Variants in GPR149 observed in about 807,000 individuals in gnomAD.
GPR149 encodes the protein probable G protein-coupled receptor 149.
A neutral mutation model predicts 50.2 loss-of-function variants in GPR149; 50 were observed. The ratio of observed to expected loss-of-function variants is 1.00; its 90% CI spans 0.79 to 1.26. The LOEUF (loss-of-function observed/expected upper bound fraction) is 1.26. GPR149 is among the 50% of genes most tolerant of loss of function. The pLI is 0.00. For missense variants in GPR149, 983 were observed against 895.4 expected (o/e 1.10, Z -1.25); for synonymous variants, 405 against 358.2 (o/e 1.13, Z -1.48).
chr3:154,358,961 C>T (rs1001111794), intron 3 of GPR149, among the ~76,000 whole-genome samples: 1 of 152,112 alleles, frequency 6.6e-6, no homozygotes, highest in Non-Finnish European at 1.5e-5. Context: ...ATCTAAAGAA[C>T]ATGCACCAAG....
intron 3 of GPR149, among the ~76,000 whole-genome samples, chr3:154,366,292 TATC>T (rs1714529978): frequency 6.6e-6 from 1 of 152,178 alleles, no homozygotes; most frequent in South Asian, 2.1e-4. Flanking sequence ...GGCAATAAGA[TATC>T]ATATTAGAAC....
chr3:154,421,312 A>G lies in GPR149; in HGVS notation c.1350T>C (p.Asn450=). 1 of 1,613,394 alleles carries G rather than the reference A, an allele frequency of 6.2e-7. No individual in the cohort carries two copies. Among genetic ancestry groups the G allele is most frequent in the Non-Finnish European group, 8.5e-7 (1 of 1,179,546 alleles). The change falls in exon 3 of 4, where the codon AAT becomes AAC. Residue 450 remains asparagine, a synonymous_variant. Coordinates refer to ENST00000389740, the MANE Select transcript of GPR149 (RefSeq NM_001038705.3). ...TGGTGCTGATTTCTACTTTTATAGC[A>G]TTGAAGATGTTACGGTTGTCTCTCT... The part of the protein sequence containing the change: ...DPQRDNRNIF[N]AIKVEISTTP...
At chr3:154,386,813 T>C (rs1339111362) in intron 3 of GPR149, among the ~76,000 whole-genome samples, 1 of 152,216 alleles carries the variant, frequency 6.6e-6, no homozygotes, top group African/African-American at 2.4e-5. Flanking sequence ...TGTTATAATT[T>C]TTTCTTATAA....
At chr3:154,414,002 C>G (rs111639716) in intron 3 of GPR149, among the ~76,000 whole-genome samples, 2,806 of 151,596 alleles carry the variant, frequency 0.019, 74 homozygotes, top group African/African-American at 0.065. Flanking sequence ...AAAATAATGG[C>G]ATTCACAGCA....
rs150186959 is a variant in GPR149, at chr3:154,339,677, C to G, written c.1624-1406G>C. On this transcript the variant is annotated intron_variant, in intron 3 of 3. Coordinates refer to ENST00000389740, the MANE Select transcript of GPR149 (RefSeq NM_001038705.3). ...CAATCTGGACCCAACAGTGGCTAGA[C>G]GAAGACAGGTTCTCACTATTGGAGA... Among the ~76,000 whole-genome samples, 1,073 of 150,926 alleles carry G rather than the reference C, an allele frequency of 7.1e-3. 11 individuals are homozygous for G. The highest frequency in any genetic ancestry group is 0.025 in the African/African-American group (1,036 of 41,084).
chr3:154,417,123 A>T (rs1054713431), intron 3 of GPR149, among the ~76,000 whole-genome samples: 10 of 151,972 alleles, frequency 6.6e-5, no homozygotes, highest in African/African-American at 2.4e-4. Flanking sequence ...GAAAATTATC[A>T]TTTCATTTCA....
At chr3:154,378,078 T>TCC (rs34317201) in intron 3 of GPR149, among the ~76,000 whole-genome samples, 2 of 72,870 alleles carry the variant, frequency 2.7e-5, no homozygotes, top group African/African-American at 6.3e-5. Context: ...TATTGATATA[T>TCC]CCCCCCCCCC....
At chr3:154,358,735 C>T (rs1397695908) in intron 3 of GPR149, among the ~76,000 whole-genome samples, 1 of 152,070 alleles carries the variant, frequency 6.6e-6, no homozygotes. Flanking sequence ...TTTAATGATG[C>T]TTATACACTT....
At chr3:154,384,165 T>C (rs1356608969) in intron 3 of GPR149, among the ~76,000 whole-genome samples, 1 of 152,126 alleles carries the variant, frequency 6.6e-6, no homozygotes, top group East Asian at 1.9e-4. Flanking sequence ...TTAAAGGACA[T>C]TTAGAAAACT....
chr3:154,408,897 C>T, intron 3 of GPR149, among the ~76,000 whole-genome samples: 1 of 152,258 alleles, frequency 6.6e-6, no homozygotes, highest in East Asian at 1.9e-4. Flanking sequence ...TTGAAAGTGT[C>T]ACTTCCTGGC....
At chr3:154,425,821 T>G (rs779077348) in intron 2 of GPR149, among the ~76,000 whole-genome samples, 2 of 152,194 alleles carry the variant, frequency 1.3e-5, no homozygotes, top group Non-Finnish European at 2.9e-5. Flanking sequence ...CTTCTGTCTG[T>G]GCAGTACAGA....
At position 154,421,283 on chromosome 3, in the gene GPR149, G is replaced by C. The variant is rs371994869; in HGVS notation, c.1379C>G (p.Pro460Arg). The C allele has an allele frequency of 1.2e-5, 20 of 1,613,270 alleles. No homozygotes were observed. In the Admixed American group the frequency reaches 1.7e-4, roughly 13 times the overall value. Residue 460 changes from proline to arginine, a missense_variant, in exon 3 of 4, where the codon CCC (proline) becomes CGC (arginine). Pro to Arg is a moderately radical substitution (Grantham distance 103). Coordinates refer to ENST00000389740, the MANE Select transcript of GPR149 (RefSeq NM_001038705.3). ...NAIKVEISTT[P>R]SLDSSTQRGI... Reference sequence around the variant, plus strand: ...TCTTTGTGTGGAGCTGTCCAGAGAGGGCGTGGTGCTGATTTCTACTTTTAT... The same window carrying C: ...TCTTTGTGTGGAGCTGTCCAGAGAGCGCGTGGTGCTGATTTCTACTTTTAT...
rs1323851014 is a variant in GPR149 at position 154,335,479 on chromosome 3, T to C, written c.*2220A>G. ...AGTTTGAAGTGTTACAGGTTAGTAATATGGTGCTGATTAGCCTTTCAAACT... is the reference window on the plus strand; with the variant it reads ...AGTTTGAAGTGTTACAGGTTAGTAACATGGTGCTGATTAGCCTTTCAAACT... On this transcript the variant is annotated 3_prime_UTR_variant, in exon 4 of 4. Coordinates refer to ENST00000389740, the MANE Select transcript of GPR149 (RefSeq NM_001038705.3). 6.6e-6 allele frequency: 1 copy of C among 152,142 alleles called. No homozygotes were observed. Among genetic ancestry groups the C allele is most frequent in the Non-Finnish European group, 1.5e-5 (1 of 67,988 alleles). The allele number at this position is 152,142 out of a possible 1,614,324, so 9.4% of individuals were successfully genotyped here.
intron 3 of GPR149, among the ~76,000 whole-genome samples, chr3:154,410,330 C>T (rs1711801469): frequency 6.6e-6 from 1 of 151,762 alleles, no homozygotes; most frequent in Non-Finnish European, 1.5e-5. Flanking sequence ...TGAAAAAAAC[C>T]AAGTTATTCA....
At position 154,358,756 on chromosome 3, in the gene GPR149, C is replaced by A. The variant is rs112079639; in HGVS notation, c.1624-20485G>T. ...GATGCTTATACACTTCTAATTTATACCCTCTTTCAATAGGAAACACTTATT... is the reference window on the plus strand; with the variant it reads ...GATGCTTATACACTTCTAATTTATAACCTCTTTCAATAGGAAACACTTATT... On this transcript the variant is annotated intron_variant, in intron 3 of 3. Coordinates refer to ENST00000389740, the MANE Select transcript of GPR149 (RefSeq NM_001038705.3). Among the ~76,000 whole-genome samples the A allele has an allele frequency of 8.2e-3, 1,244 of 152,188 alleles. 5 individuals carry two copies. Among genetic ancestry groups the A allele is most frequent in the Non-Finnish European group, 0.012 (837 of 67,990 alleles).
chr3:154,374,557 T>C (rs909635442), intron 3 of GPR149, among the ~76,000 whole-genome samples: 3 of 151,894 alleles, frequency 2.0e-5, no homozygotes, highest in African/African-American at 7.3e-5. Flanking sequence ...TATCCAGAAA[T>C]AGAGGGATGT....
intron 3 of GPR149, among the ~76,000 whole-genome samples, chr3:154,398,262 C>A (rs1005682817): frequency 6.6e-6 from 1 of 152,140 alleles, no homozygotes; most frequent in African/African-American, 2.4e-5. Flanking sequence ...TTACACACTG[C>A]TAAGTACTAC....
intron 3 of GPR149, among the ~76,000 whole-genome samples, chr3:154,403,202 A>G (rs1711591567): frequency 6.6e-6 from 1 of 152,224 alleles, no homozygotes; most frequent in African/African-American, 2.4e-5. Context: ...GTATCATAGT[A>G]TAGAAGCCAG....
intron 3 of GPR149, among the ~76,000 whole-genome samples, chr3:154,386,701 C>T (rs1458476175): frequency 6.6e-6 from 1 of 152,092 alleles, no homozygotes; most frequent in Non-Finnish European, 1.5e-5. Context: ...CTGTAAAAGA[C>T]ATGCTGAAGA....
Sources: gnomAD v4.1 joint callset for allele counts (sites outside exome capture counted in the v4.1 genomes callset) on GRCh38, gnomAD v4.1.1 for gene constraint, MANE v1.5 for transcripts, NCBI Gene and HGNC (gene_info 2026-07-23, HGNC 2026-07-21) for gene names.